Variants in CENPX observed in about 807,000 individuals in gnomAD.
CENPX encodes centromere protein X, also known as FANCM associated histone fold protein 2.
A neutral mutation model predicts 13.2 loss-of-function variants in CENPX; 13 were observed. The observed-to-expected ratio is 0.98, with a 90% CI of 0.64 to 1.56. CENPX has a LOEUF of 1.56. Ranked by LOEUF, CENPX falls within the 40% of genes most tolerant of loss-of-function variation. The probability of loss-of-function intolerance (pLI) is 0.00; values close to 1 mark genes in which losing one functional copy is unlikely to be tolerated. For missense variants in CENPX, 138 were observed against 107.5 expected, an observed-to-expected ratio of 1.28 and a Z score of -1.26; for synonymous variants, 66 against 47.2, an observed-to-expected ratio of 1.40 and a Z score of -1.63.
In CENPX at chr17:82,018,863, T is replaced by G. The variant is rs2043217354; in HGVS notation, c.*342A>C. The G allele has an allele frequency of 2.8e-6, 1 of 361,210 alleles. No homozygotes were observed. The allele number at this position is 361,210 out of a possible 1,614,324, so 22.4% of individuals were successfully genotyped here. A position where few individuals can be genotyped will look rare whatever the true frequency, so the allele number is the denominator to read the frequency against. The stretch of plus-strand genomic sequence containing the variant: ...GGCAGGAGGCAGCGCTGCCAGCTGC[T>G]GTTTGTCAAACACACAGGCTACCTG... On this transcript the variant is annotated 3_prime_UTR_variant, in exon 5 of 5. Coordinates refer to ENST00000392359, the MANE Select transcript of CENPX (RefSeq NM_001271006.2).
chr17:82,022,341 A>C (rs934789818), intron 1 of CENPX, among the ~76,000 whole-genome samples: 3 of 152,196 alleles, frequency 2.0e-5, no homozygotes, highest in African/African-American at 7.2e-5. Flanking sequence ...CACCGAAGAA[A>C]CCACGCGTTC....
In CENPX at chr17:82,019,389, G is replaced by A. The variant is rs2043233142; in HGVS notation, c.143-8C>T. The A allele has an allele frequency of 1.9e-6, 3 of 1,541,394 alleles. No homozygotes were observed. The highest frequency in any genetic ancestry group is 1.7e-6 in the Non-Finnish European group (2 of 1,145,888). On this transcript the variant is annotated splice_polypyrimidine_tract_variant and splice_region_variant and intron_variant, in intron 3 of 4. Coordinates refer to ENST00000392359, the MANE Select transcript of CENPX (RefSeq NM_001271006.2). ...CGCCGCGGACTGCTGCTTCTGCGGT[G>A]AGAAACGCGAGAGGTGGGGGATGCT...
At chr17:82,022,691 A>G (rs1342321284) in intron 1 of CENPX, 135 bp downstream of exon 1, 11 of 1,054,084 alleles carry the variant, frequency 1.0e-5, no homozygotes, top group South Asian at 3.0e-5. Context: ...CCGGCCGGAG[A>G]TGGAGTCTGA....
At chr17:82,020,210 G>GA (rs577831414) in intron 1 of CENPX, among the ~76,000 whole-genome samples, 2 of 151,702 alleles carry the variant, frequency 1.3e-5, no homozygotes, top group Non-Finnish European at 3.0e-5. Context: ...GCTCCAGGGA[G>GA]AGAGTGGAGA....
At chr17:82,022,797 C>G (rs1181636687) in intron 1 of CENPX, 29 bp downstream of exon 1, 3 of 1,567,022 alleles carry the variant, frequency 1.9e-6, no homozygotes, top group Non-Finnish European at 2.6e-6. Flanking sequence ...GCGTCCGCGC[C>G]TGCCTAGCCC....
intron 1 of CENPX, among the ~76,000 whole-genome samples, chr17:82,021,161 C>T (rs544662314): frequency 2.0e-5 from 3 of 152,318 alleles, no homozygotes; most frequent in East Asian, 1.9e-4. Context: ...AGAGCATGGA[C>T]GGGTGAAGCC....
intron 3 of CENPX, 25 bp downstream of exon 3, chr17:82,019,616 G>A (rs1487283027): frequency 6.5e-7 from 1 of 1,550,274 alleles, no homozygotes; most frequent in Non-Finnish European, 8.7e-7. Flanking sequence ...GCTGTGCCCG[G>A]AGGGAGCGTG....
intron 1 of CENPX, 139 bp from the exon 2 acceptor site, chr17:82,020,048 C>G (rs1598448066): frequency 1.2e-6 from 1 of 822,018 alleles, no homozygotes; most frequent in Admixed American, 2.9e-5. Context: ...GGGCAGGGGA[C>G]AAGGGCCAGC....
At chr17:82,019,571 T>C (rs1476763709) in intron 3 of CENPX, 70 bp downstream of exon 3, 6 of 1,549,260 alleles carry the variant, frequency 3.9e-6, no homozygotes, top group Non-Finnish European at 5.2e-6. Flanking sequence ...AAACACGTCT[T>C]GGTTTTCCCG....
chr17:82,021,502 A>G (rs1286677924), intron 1 of CENPX, among the ~76,000 whole-genome samples: 1 of 152,234 alleles, frequency 6.6e-6, no homozygotes, highest in African/African-American at 2.4e-5. Context: ...TTCCCCGTAC[A>G]TCGGCAGTGG....
rs1398193491 is a variant in CENPX at position 82,019,651 on chromosome 17, G to A, written c.132C>T (p.Val44=). Residue 44 remains valine, a synonymous_variant, in exon 3 of 5, where the codon GTC becomes GTT. Coordinates refer to ENST00000392359, the MANE Select transcript of CENPX (RefSeq NM_001271006.2). ...ALQLMVELLK[V]FVVEAAVRGV... Reference sequence around the variant, plus strand: ...GGGCCCTGGGCTCACCCACAACGAAGACCTTCAGCAACTCCACCATGAGCT... The same window carrying A: ...GGGCCCTGGGCTCACCCACAACGAAAACCTTCAGCAACTCCACCATGAGCT... 1.9e-6 allele frequency: 3 copies of A among 1,550,314 alleles called. No homozygotes were observed. Among genetic ancestry groups the A allele is most frequent in the Non-Finnish European group, 2.6e-6 (3 of 1,146,962 alleles).
chr17:82,019,502 C>T (rs1463920241), intron 3 of CENPX, 121 bp from the exon 4 acceptor site: 6 of 1,519,424 alleles, frequency 3.9e-6, no homozygotes, highest in Admixed American at 4.0e-5. Context: ...AGAACCAGGC[C>T]ACAGCACCTG....
chr17:82,019,326 G>T lies in CENPX; in HGVS notation c.198C>A (p.Asp66Glu). ...QAQAEDALRV[D>E]VDQLEKVLPQ... ...GAAGCACCTTCTCCAGCTGGTCCAC[G>T]TCCACACGGAGCGCGTCTTCTGCCT... Residue 66 changes from aspartate to glutamate, a missense_variant, in exon 4 of 5, where the codon GAC becomes GAA. Coordinates refer to ENST00000392359, the MANE Select transcript of CENPX (RefSeq NM_001271006.2). 1 of 1,587,580 alleles carries T rather than the reference G, an allele frequency of 6.3e-7. No individual in the cohort carries two copies. Among genetic ancestry groups the T allele is most frequent in the Non-Finnish European group, 8.6e-7 (1 of 1,168,954 alleles).
At chr17:82,020,733 A>C (rs983346961) in intron 1 of CENPX, among the ~76,000 whole-genome samples, 3 of 152,180 alleles carry the variant, frequency 2.0e-5, no homozygotes, top group African/African-American at 7.2e-5. Flanking sequence ...GACGGGGACA[A>C]GGGAGGAGTC....
rs770871884 is a variant in CENPX, at chr17:82,019,919, AG to A, written c.37-11del. On this transcript the variant is annotated splice_polypyrimidine_tract_variant and intron_variant, in intron 1 of 4. Transcript: ENST00000392359. The stretch of plus-strand genomic sequence containing the variant: ...GCCTGCTCACCAGCTCCTAGAAGGG[AG>A]GGGGGTGTCAGCGCCACGCCCCGCC... The A allele has an allele frequency of 5.7e-6, 9 of 1,576,654 alleles. No homozygotes were observed. The highest frequency in any genetic ancestry group is 2.7e-5 in the African/African-American group (2 of 73,718).
intron 4 of CENPX, 23 bp downstream of exon 4, chr17:82,019,270 C>G (rs374345871): frequency 5.9e-5 from 95 of 1,596,796 alleles, no homozygotes; most frequent in Non-Finnish European, 8.0e-5. Context: ...CCCCCACTTG[C>G]GCCCCGACCC....
chr17:82,019,932 C>T (rs775503719), intron 1 of CENPX, 23 bp from the exon 2 acceptor site: 16 of 1,544,464 alleles, frequency 1.0e-5, no homozygotes, highest in Admixed American at 1.8e-5. Flanking sequence ...GGGGTGTCAG[C>T]GCCACGCCCC....
chr17:82,022,502 CA>C, intron 1 of CENPX: 3 of 501,048 alleles, frequency 6.0e-6, no homozygotes, highest in Non-Finnish European at 1.1e-5. Flanking sequence ...ACCCCAGGCT[CA>C]GGGCGCAGGG....
At chr17:82,019,598 T>C (rs1334837348) in intron 3 of CENPX, 43 bp downstream of exon 3, 8 of 1,549,936 alleles carry the variant, frequency 5.2e-6, no homozygotes, top group South Asian at 4.8e-5. Context: ...AAACGCAAAA[T>C]TCCGGATGCT....
Sources: allele counts gnomAD v4.1 joint callset (sites outside exome capture counted in the v4.1 genomes callset), GRCh38; gene constraint gnomAD v4.1.1; transcripts MANE v1.5; gene names NCBI Gene and HGNC (gene_info 2026-07-23, HGNC 2026-07-21).